The following PARP8 variants were observed in gnomAD, a reference collection of about 807,000 sequenced individuals.
PARP8 encodes the protein protein mono-ADP-ribosyltransferase PARP8.
A neutral mutation model predicts 124.1 loss-of-function variants in PARP8; 51 were observed. The ratio of observed to expected loss-of-function variants is 0.41; its 90% CI spans 0.33 to 0.52. The LOEUF is 0.52. Ranked by LOEUF, PARP8 falls within the 20% of genes least tolerant of loss-of-function variation. The pLI, the probability that PARP8 is intolerant of heterozygous loss-of-function variation, is 0.21. For missense variants in PARP8, 860 were observed against 1,018.9 expected (o/e 0.84, Z 2.12); for synonymous variants, 391 against 361.5 (o/e 1.08, Z -0.93).
At chr5:50,794,374 A>G in intron 11 of PARP8, 42 bp downstream of exon 11, 1 of 1,603,884 alleles carries the variant, frequency 6.2e-7, no homozygotes, top group East Asian at 2.2e-5. Context: ...CTGAATGCTG[A>G]GTGTGTGATG....
At chr5:50,754,508 T>C (rs1433324791) in intron 3 of PARP8, among the ~76,000 whole-genome samples, 12 of 152,248 alleles carry the variant, frequency 7.9e-5, no homozygotes, top group African/African-American at 2.6e-4. Flanking sequence ...ACAAAGGACA[T>C]GAACTCATCA....
Position 50,747,158 on chromosome 5 carries a change from G to GTTTTTT in PARP8, c.147-2989_147-2988insTTTTTT, listed in dbSNP as rs1370932889. On this transcript the variant is annotated intron_variant, in intron 2 of 25. Coordinates refer to ENST00000281631, the MANE Select transcript of PARP8 (RefSeq NM_024615.4). The stretch of plus-strand genomic sequence containing the variant: ...CAGTTATGGTTTTTTTTGTTTGTTT[G>GTTTTTT]TTTTGTTTTTTTTTTTTTTTTTGTC... 3.4e-4 allele frequency among the ~76,000 whole-genome samples: 28 copies of GTTTTTT among 82,190 alleles called. 1 individual carries two copies. The highest frequency in any genetic ancestry group is 7.7e-4 in the African/African-American group (16 of 20,878). The allele number at this position is 82,190 out of a possible 152,430, so 53.9% of individuals were successfully genotyped here.
chr5:50,668,195 C>T (rs540973155), intron 2 of PARP8, 70 bp downstream of exon 2: 4 of 1,401,238 alleles, frequency 2.9e-6, no homozygotes, highest in Non-Finnish European at 4.0e-6. Context: ...TTAGCGTGTT[C>T]CGTGTTCGGG....
chr5:50,821,422 C>T, intron 16 of PARP8, 84 bp downstream of exon 16: 1 of 1,419,540 alleles, frequency 7.0e-7, no homozygotes. Context: ...ATTAGGTTTC[C>T]TCTTTCTATC....
At chr5:50,804,200 C>T (rs146892161) in intron 14 of PARP8, among the ~76,000 whole-genome samples, 122 of 152,226 alleles carry the variant, frequency 8.0e-4, no homozygotes, top group Middle Eastern at 3.4e-3. Flanking sequence ...ACAACTAAAA[C>T]GCTTACTGTA....
chr5:50,732,650 G>T (rs932746150), intron 2 of PARP8, among the ~76,000 whole-genome samples: 1 of 151,110 alleles, frequency 6.6e-6, no homozygotes, highest in East Asian at 2.0e-4. Flanking sequence ...ATGGAGTCTC[G>T]CTCTGTGGTC....
At chr5:50,675,441 A>T (rs1298374787) in intron 2 of PARP8, among the ~76,000 whole-genome samples, 3 of 152,108 alleles carry the variant, frequency 2.0e-5, no homozygotes, top group African/African-American at 7.2e-5. Context: ...AGTAACTGGG[A>T]TTACAGGCAC....
intron 7 of PARP8, among the ~76,000 whole-genome samples, chr5:50,764,775 T>C (rs1760889481): frequency 6.6e-6 from 1 of 151,886 alleles, no homozygotes; most frequent in African/African-American, 2.4e-5. Context: ...CAATTGGGAC[T>C]ATCAATACAT....
rs561050717 is a variant in PARP8 at position 50,685,336 on chromosome 5, T to C, written c.146+17211T>C. On this transcript the variant is annotated intron_variant, in intron 2 of 25. Transcript: ENST00000281631. ...TTGATTGGTTTGGGGCCTAACAATG[T>C]CTTCAAGGACTTGGTTTCTTTTCAA... Among the ~76,000 whole-genome samples, 3 of 152,346 alleles carry C rather than the reference T, an allele frequency of 2.0e-5. No homozygotes were observed. The East Asian group carries it at 5.8e-4, about 29-fold the overall frequency.
rs1460034439 is a variant in PARP8 at position 50,797,020 on chromosome 5, C to T, written c.1467C>T (p.Gly489=). 1.1e-5 allele frequency: 17 copies of T among 1,612,732 alleles called. No individual in the cohort carries two copies. The African/African-American group carries it at 2.3e-4, about 22-fold the overall frequency. The change falls in exon 13 of 26, where the codon GGC becomes GGT. Residue 489 remains glycine (G), a synonymous_variant. Transcript: ENST00000281631. ...GAKCIPVRDR[G]FLVQTIEFAE... is the part of the protein sequence containing the mutation. ...AATGCATTCCAGTACGAGACCGTGGCTTCCTGGTGCAGGTATGAGCCAAAA... is the reference window on the plus strand; with the variant it reads ...AATGCATTCCAGTACGAGACCGTGGTTTCCTGGTGCAGGTATGAGCCAAAA...
At chr5:50,804,687 G>A (rs966009081) in intron 14 of PARP8, among the ~76,000 whole-genome samples, 7 of 152,056 alleles carry the variant, frequency 4.6e-5, no homozygotes, top group South Asian at 4.1e-4. Flanking sequence ...GCATTTGTAC[G>A]CGTAATGTTA....
chr5:50,753,048 G>C (rs1759433430), intron 3 of PARP8, among the ~76,000 whole-genome samples: 2 of 151,940 alleles, frequency 1.3e-5, no homozygotes, highest in Non-Finnish European at 2.9e-5. Flanking sequence ...ATGATATGTT[G>C]ACTGTTCATG....
rs768031019 is a variant in PARP8, at chr5:50,829,918, A to T, written c.2190A>T (p.Gly730=). Residue 730 remains glycine, a synonymous_variant, in exon 22 of 26, where the codon GGA becomes GGT. Transcript: ENST00000281631. ...TCCATGGTGCAATGTATGGAAGTGG[A>T]ATCTATCTTAGTCCAATGTCAAGCA... is the stretch of plus-strand genomic sequence containing the variant. ...LQLHGAMYGS[G]IYLSPMSSIS... 6.2e-7 allele frequency: 1 copy of T among 1,610,102 alleles called. No homozygotes were observed. Among genetic ancestry groups the T allele is most frequent in the Non-Finnish European group, 8.5e-7 (1 of 1,177,940 alleles).
chr5:50,770,416 A>C (rs1200294013), intron 7 of PARP8, among the ~76,000 whole-genome samples: 1 of 152,026 alleles, frequency 6.6e-6, no homozygotes, highest in African/African-American at 2.4e-5. Context: ...TTATTTATTA[A>C]ATATTTGCCA....
intron 2 of PARP8, among the ~76,000 whole-genome samples, chr5:50,721,625 A>AT (rs1328325259): frequency 2.0e-5 from 3 of 152,086 alleles, no homozygotes; most frequent in Non-Finnish European, 4.4e-5. Flanking sequence ...TGGGTGGAGT[A>AT]TAGCTGCAAC....
rs1470783050 is a variant in PARP8 at position 50,795,170 on chromosome 5, G to T, written c.1181G>T (p.Arg394Leu). Residue 394 changes from arginine (R) to leucine (L), a missense_variant, in exon 12 of 26, where the codon CGA (arginine) becomes CTA (leucine). Arg to Leu is a moderately radical substitution (Grantham distance 102, BLOSUM62 -2). This residue lies in a region of PARP8 where 517 missense variants were observed against 544.2 expected (regional missense o/e 0.95). Coordinates refer to ENST00000281631, the MANE Select transcript of PARP8 (RefSeq NM_024615.4). The part of the protein sequence containing the change: ...LLTRSCSGDP[R>L]CEHNTNLKPH... ...ACTCGATCTTGTTCTGGAGATCCAC[G>T]ATGTGAGCACAACACAAACTTGAAG... The T allele has an allele frequency of 6.2e-7, 1 of 1,614,186 alleles. No individual in the cohort carries two copies. The highest frequency in any genetic ancestry group is 1.1e-5 in the South Asian group (1 of 91,090).
In PARP8 at chr5:50,819,737, G is replaced by A. The variant is rs147526028; in HGVS notation, c.1669-1476G>A. 7.8e-4 allele frequency among the ~76,000 whole-genome samples: 119 copies of A among 152,084 alleles called. 1 individual carries two copies. Among genetic ancestry groups the A allele is most frequent in the African/African-American group, 2.5e-3 (102 of 41,492 alleles). The stretch of plus-strand genomic sequence containing the variant: ...TAGGATTACAGGCGTGAGCCACTGC[G>A]CCCAACAAGGCTATTTTATCTTACT... On this transcript the variant is annotated intron_variant, in intron 15 of 25. Transcript: ENST00000281631.
intron 2 of PARP8, among the ~76,000 whole-genome samples, chr5:50,719,588 T>C (rs550106380): frequency 2.2e-4 from 33 of 152,230 alleles, no homozygotes; most frequent in South Asian, 2.1e-3. Flanking sequence ...AGACTGTCGT[T>C]ACCTTAATGT....
At position 50,832,878 on chromosome 5, in the gene PARP8, G is replaced by A. The variant is rs141643010; in HGVS notation, c.2307+24G>A. 802 of 1,602,546 alleles carry A rather than the reference G, an allele frequency of 5.0e-4. 3 individuals are homozygous for A. In the African/African-American group the frequency reaches 9.6e-3, roughly 19 times the overall value. On this transcript the variant is annotated intron_variant, in intron 23 of 25. Coordinates refer to ENST00000281631, the MANE Select transcript of PARP8 (RefSeq NM_024615.4). ...AGGTGTTGTAGTGACTTTAGTGACT[G>A]CTTATGATTAGTGAACTGTGGCCTC... is the stretch of plus-strand genomic sequence containing the variant.
Sources: gnomAD v4.1 joint callset for allele counts (sites outside exome capture counted in the v4.1 genomes callset) on GRCh38, gnomAD v4.1.1 for gene constraint, gnomAD v4.1.1 regional missense constraint, MANE v1.5 for transcripts, NCBI Gene and HGNC (gene_info 2026-07-23, HGNC 2026-07-21) for gene names.